PDILT: variants seen among roughly 807,000 people sequenced by gnomAD.
The protein encoded by PDILT is protein disulfide isomerase like, testis expressed, also known as protein disulfide-isomerase-like protein of the testis.
In PDILT, 43 loss-of-function variants were observed where a neutral mutation model predicts 53.7. The observed-to-expected ratio is 0.80, with a 90% CI of 0.63 to 1.03. The LOEUF (loss-of-function observed/expected upper bound fraction) is 1.03. Among genes scored for constraint, PDILT ranks in the 50% least tolerant of loss-of-function variants. The pLI is 0.00. For synonymous variants in PDILT, 282 were observed against 274.2 expected, an observed-to-expected ratio of 1.03 and a Z score of -0.28; for missense variants, 727 against 712.3, an observed-to-expected ratio of 1.02 and a Z score of -0.24.
In PDILT at chr16:20,365,516, G is replaced by A; in HGVS notation, c.1141C>T (p.Pro381Ser). ...ACCAGTCCCTGGTCCCAGTATTTTG[G>A]AATCTCTTCACTGGATTGATGTTTC... The part of the protein sequence containing the change: ...ATKHQSSEEI[P>S]KYWDQGLVKQ... The change falls in exon 9 of 12, where the codon CCA becomes TCA. Residue 381 changes from proline to serine, a missense_variant. Transcript: ENST00000302451. 6.2e-7 allele frequency: 1 copy of A among 1,614,082 alleles called. No homozygotes were observed. Among genetic ancestry groups the A allele is most frequent in the Non-Finnish European group, 8.5e-7 (1 of 1,179,920 alleles).
chr16:20,398,359 C>T (rs148080019), intron 2 of PDILT, among the ~76,000 whole-genome samples: 198 of 152,186 alleles, frequency 1.3e-3, no homozygotes, highest in African/African-American at 4.6e-3. Context: ...CAGTGGTTCA[C>T]GCCTGTAATC....
intron 1 of PDILT, among the ~76,000 whole-genome samples, chr16:20,400,012 C>CTCCA (rs1555492345): frequency 0.013 from 1,788 of 141,700 alleles, 14 homozygotes; most frequent in African/African-American, 0.016. Flanking sequence ...TTGAATATAT[C>CTCCA]TCTATCTATC....
intron 2 of PDILT, chr16:20,390,603 A>T (rs1458201226): frequency 6.6e-6 from 1 of 152,194 alleles, no homozygotes; most frequent in South Asian, 2.1e-4. Flanking sequence ...GTCTTCTCTC[A>T]CTAGGATGTC....
intron 8 of PDILT, among the ~76,000 whole-genome samples, chr16:20,367,859 C>T (rs746039821): frequency 1.3e-5 from 2 of 152,038 alleles, no homozygotes; most frequent in African/African-American, 2.4e-5. Flanking sequence ...CAGTCACCCT[C>T]GTGGTGATGT....
At chr16:20,391,157 A>T in intron 2 of PDILT, 1 of 157,298 alleles carries the variant, frequency 6.4e-6, no homozygotes, top group East Asian at 1.9e-4. Context: ...CATTGTCATC[A>T]TCATCACCAT....
chr16:20,376,265 G>A (rs758640479), intron 3 of PDILT, 64 bp from the exon 4 acceptor site: 180 of 1,588,048 alleles, frequency 1.1e-4, no homozygotes, highest in Non-Finnish European at 1.4e-4. Flanking sequence ...GCAAGAAGCT[G>A]GTCTTTCTCA....
chr16:20,400,015 T>TCTATC (rs1567333397), intron 1 of PDILT, among the ~76,000 whole-genome samples: 1 of 117,194 alleles, frequency 8.5e-6, no homozygotes, highest in Non-Finnish European at 2.0e-5. Flanking sequence ...AATATATCTC[T>TCTATC]ATCTATCTAT....
chr16:20,370,858 G>A (rs937282025), intron 7 of PDILT, among the ~76,000 whole-genome samples: 10 of 152,176 alleles, frequency 6.6e-5, no homozygotes, highest in Admixed American at 1.3e-4. Context: ...CCAGCACCAC[G>A]ACAGTTTACA....
chr16:20,367,071 CTTTCTTTCT>C (rs1567320835), intron 8 of PDILT, among the ~76,000 whole-genome samples: 1 of 120,618 alleles, frequency 8.3e-6, no homozygotes, highest in African/African-American at 3.3e-5. Flanking sequence ...TTCTTTCTTT[CTTTCTTTCT>C]TTCTTTCTTT....
chr16:20,364,678 C>A (rs1966164415), intron 9 of PDILT, among the ~76,000 whole-genome samples: 2 of 152,184 alleles, frequency 1.3e-5, no homozygotes, highest in South Asian at 4.2e-4. Context: ...ACATCTCTGG[C>A]TTTGTCTCCC....
rs1966064396 is a variant in PDILT at position 20,359,408 on chromosome 16, T to C, written c.1666A>G (p.Lys556Glu). The part of the protein sequence containing the change: ...SKLEEPAGKK[K>E]TSEEVVVVVA... ...ACCACCACCACCTCCTCAGATGTTTTCTTCTTCCCAGCGGGCTCTTCCAGC... is the reference window on the plus strand; with the variant it reads ...ACCACCACCACCTCCTCAGATGTTTCCTTCTTCCCAGCGGGCTCTTCCAGC... The change falls in exon 12 of 12, where the codon AAA becomes GAA. Residue 556 changes from lysine to glutamate, a missense_variant. Lys to Glu is a moderately conservative substitution (Grantham distance 56). Coordinates refer to ENST00000302451, the MANE Select transcript of PDILT (RefSeq NM_174924.2). The C allele has an allele frequency of 6.2e-7, 1 of 1,614,226 alleles. No homozygotes were observed. The highest frequency in any genetic ancestry group is 8.5e-7 in the Non-Finnish European group (1 of 1,180,038).
intron 2 of PDILT, among the ~76,000 whole-genome samples, chr16:20,391,707 C>T (rs1211128611): frequency 2.0e-5 from 3 of 152,040 alleles, no homozygotes; most frequent in Non-Finnish European, 2.9e-5. Context: ...TGGCCCCCAA[C>T]ATCATGCAAT....
At position 20,372,809 on chromosome 16, in the gene PDILT, T is replaced by C; in HGVS notation, c.911A>G (p.Gln304Arg). 1 of 1,614,024 alleles carries C rather than the reference T, an allele frequency of 6.2e-7. No homozygotes were observed. Among genetic ancestry groups the C allele is most frequent in the South Asian group, 1.1e-5 (1 of 91,076 alleles). ...ATGGTGCACTCTACAAACCTTGTTT[T>C]GGAATTCCTTTGATGCCAGCTTATA... ...QHYKLASKEF[Q>R]NKILFILVDA... Residue 304 changes from glutamine to arginine, a missense_variant, in exon 7 of 12, where the codon CAA (glutamine) becomes CGA (arginine). Gln to Arg is a conservative substitution (Grantham distance 43). Transcript: ENST00000302451.
rs564596202 is a variant in PDILT at position 20,365,324 on chromosome 16, G to A, written c.1237+96C>T. The A allele has an allele frequency of 3.2e-5, 45 of 1,401,732 alleles. No homozygotes were observed. The South Asian group carries it at 5.1e-4, about 16-fold the overall frequency. The allele number at this position is 1,401,732 out of a possible 1,614,324, so 86.8% of individuals were successfully genotyped here. On this transcript the variant is annotated intron_variant, in intron 9 of 11. Transcript: ENST00000302451. ...ACCATCCTTGGCATGGTGCATTGAT[G>A]GGTTTTAGAGATTTCAGTGCCCAAC...
rs1169314052 is a variant in PDILT, at chr16:20,360,601, G to A, written c.1473C>T (p.Ser491=). Residue 491 remains serine, a synonymous_variant, in exon 11 of 12, where the codon AGC becomes AGT. Transcript: ENST00000302451. ...TLKGFSDFLE[S]HIKTKIEDED... is the part of the protein sequence containing the mutation. ...CATCCTCAATCTTAGTTTTGATGTG[G>A]CTTTCCAGGAAGTCAGAGAAGCCCT... is the stretch of plus-strand genomic sequence containing the variant. 6.2e-7 allele frequency: 1 copy of A among 1,614,076 alleles called. No homozygotes were observed. Among genetic ancestry groups the A allele is most frequent in the Non-Finnish European group, 8.5e-7 (1 of 1,179,960 alleles).
At chr16:20,381,990 C>T (rs1424957597) in intron 3 of PDILT, among the ~76,000 whole-genome samples, 1 of 152,124 alleles carries the variant, frequency 6.6e-6, no homozygotes, top group Admixed American at 6.6e-5. Flanking sequence ...TCACAAATTC[C>T]TGGGTTCAAG....
Position 20,360,669 on chromosome 16 carries a change from A to G in PDILT, c.1417-12T>C. 1 of 1,593,080 alleles carries G rather than the reference A, an allele frequency of 6.3e-7. No individual in the cohort carries two copies. Among genetic ancestry groups the G allele is most frequent in the Non-Finnish European group, 8.6e-7 (1 of 1,160,960 alleles). The stretch of plus-strand genomic sequence containing the variant: ...TTATACAGGACAGCCTAGGATGAAA[A>G]TGGAACAGGGTCAGGATGGGATCCT... On this transcript the variant is annotated splice_polypyrimidine_tract_variant and intron_variant, in intron 10 of 11. Transcript: ENST00000302451.
chr16:20,374,878 C>A lies in PDILT; in HGVS notation c.625G>T (p.Gly209Cys). 1 of 1,614,116 alleles carries A rather than the reference C, an allele frequency of 6.2e-7. No homozygotes were observed. The highest frequency in any genetic ancestry group is 8.5e-7 in the Non-Finnish European group (1 of 1,179,984). Residue 209 changes from glycine to cysteine, a missense_variant, in exon 5 of 12, where the codon GGC becomes TGC. Coordinates refer to ENST00000302451, the MANE Select transcript of PDILT (RefSeq NM_174924.2). ...ACGTGGAAACGCCCAATGACATTGC[C>A]AATCGTTATGACTCCAAACGTTAGC... ...PELTFGVITI[G>C]NVIGRFHVTL... is the part of the protein sequence containing the mutation.
chr16:20,364,561 G>T (rs568802857), intron 9 of PDILT, among the ~76,000 whole-genome samples: 6 of 152,290 alleles, frequency 3.9e-5, no homozygotes, highest in African/African-American at 1.4e-4. Context: ...TGTGTCAACA[G>T]CAAACTCATG....
Sources: allele counts gnomAD v4.1 joint callset (sites outside exome capture counted in the v4.1 genomes callset), GRCh38; gene constraint gnomAD v4.1.1; transcripts MANE v1.5; gene names NCBI Gene and HGNC (gene_info 2026-07-23, HGNC 2026-07-21).